BTBD2: variants seen among roughly 807,000 people sequenced by gnomAD.
The protein encoded by BTBD2 is BTB/POZ domain-containing protein 2.
BTBD2 carries 15 observed loss-of-function variants against 44.0 expected under a neutral mutation model. The observed-to-expected ratio is 0.34, with a 90% CI of 0.23 to 0.53. BTBD2 has a LOEUF of 0.53. Ranked by LOEUF, BTBD2 falls within the 20% of genes least tolerant of loss-of-function variation. The pLI, the probability that BTBD2 is intolerant of heterozygous loss-of-function variation, is 0.95. For missense variants in BTBD2, 657 were observed against 746.4 expected (o/e 0.88, Z 1.39); for synonymous variants, 443 against 335.9 (o/e 1.32, Z -3.49).
At chr19:2,001,602 C>T (rs548890636) in intron 1 of BTBD2, among the ~76,000 whole-genome samples, 18 of 152,332 alleles carry the variant, frequency 1.2e-4, no homozygotes, top group African/African-American at 4.3e-4. Flanking sequence ...AGCCTTAAAC[C>T]ACAGGGCTGA....
chr19:1,989,900 C>T (rs1286525734), intron 5 of BTBD2, 104 bp downstream of exon 5: 2 of 1,344,548 alleles, frequency 1.5e-6, no homozygotes, highest in Non-Finnish European at 1.0e-6. Context: ...CAGGCATCTG[C>T]CAGGCTTTCC....
At chr19:1,994,039 C>CG (rs1377941909) in intron 2 of BTBD2, among the ~76,000 whole-genome samples, 1 of 121,914 alleles carries the variant, frequency 8.2e-6, no homozygotes, top group African/African-American at 3.1e-5. Context: ...CAGCACAGGC[C>CG]GGCCTGGTGG....
intron 1 of BTBD2, among the ~76,000 whole-genome samples, chr19:2,009,280 C>A (rs1599360705): frequency 6.6e-6 from 1 of 151,822 alleles, no homozygotes; most frequent in Admixed American, 6.6e-5. Context: ...CTCACTGCAA[C>A]CTCCGCCTCC....
At chr19:2,006,344 T>C (rs1287802617) in intron 1 of BTBD2, among the ~76,000 whole-genome samples, 1 of 151,876 alleles carries the variant, frequency 6.6e-6, no homozygotes, top group Non-Finnish European at 1.5e-5. Flanking sequence ...TTAAACCTAA[T>C]AAGGCTTCAG....
intron 1 of BTBD2, among the ~76,000 whole-genome samples, chr19:2,013,291 G>C (rs891646290): frequency 8.5e-5 from 13 of 152,214 alleles, no homozygotes; most frequent in Non-Finnish European, 1.9e-4. Flanking sequence ...GGCAGGGTAA[G>C]AGGGACCGGG....
chr19:1,990,966 C>T, intron 3 of BTBD2, 144 bp from the exon 4 acceptor site: 1 of 693,746 alleles, frequency 1.4e-6, no homozygotes, highest in Non-Finnish European at 2.4e-6. Flanking sequence ...GTCTCAGCCA[C>T]CAGGCCGGCC....
Position 1,987,711 on chromosome 19 carries a change from G to A in BTBD2, c.989-19C>T, listed in dbSNP as rs2016112174. On this transcript the variant is annotated intron_variant, in intron 5 of 8. Coordinates refer to ENST00000255608, the MANE Select transcript of BTBD2 (RefSeq NM_017797.4). ...GCGGGACCTGCAGCACAGGGAGGGT[G>A]TGGGGGAGGGCCGGGCTGCACCCCA... is the stretch of plus-strand genomic sequence containing the variant. 6.4e-7 allele frequency: 1 copy of A among 1,570,942 alleles called. No homozygotes were observed. Among genetic ancestry groups the A allele is most frequent in the South Asian group, 1.2e-5 (1 of 84,894 alleles).
At chr19:1,987,359 C>G in intron 6 of BTBD2, 106 bp from the exon 7 acceptor site, 1 of 1,440,386 alleles carries the variant, frequency 6.9e-7, no homozygotes, top group Admixed American at 2.3e-5. Flanking sequence ...TCCCTGAGTC[C>G]TCCACCCCCA....
At chr19:2,012,344 G>A (rs2016477084) in intron 1 of BTBD2, among the ~76,000 whole-genome samples, 1 of 150,130 alleles carries the variant, frequency 6.7e-6, no homozygotes, top group African/African-American at 2.5e-5. Context: ...TAGAGACAGG[G>A]TTTCACCGTG....
chr19:2,013,431 T>A (rs533597342), intron 1 of BTBD2: 88 of 862,690 alleles, frequency 1.0e-4, no homozygotes, highest in Non-Finnish European at 9.3e-5. Context: ...GAGCTGGGGG[T>A]CTCTGGGTTG....
chr19:2,000,413 TGAG>T (rs2016314259), intron 1 of BTBD2, among the ~76,000 whole-genome samples: 1 of 152,192 alleles, frequency 6.6e-6, no homozygotes, highest in Non-Finnish European at 1.5e-5. Flanking sequence ...GGAAAACCTT[TGAG>T]GAGGGTTCAA....
rs143500819 is a variant in BTBD2 at position 1,986,468 on chromosome 19, C to G, written c.*20G>C. ...TGCGGCTATCCCCACGGAGGGAGGG[C>G]GGTGTCGGTGTCGGGCAGCCTAGGT... On this transcript the variant is annotated 3_prime_UTR_variant, in exon 9 of 9. Transcript: ENST00000255608. The G allele has an allele frequency of 6.2e-7, 1 of 1,608,678 alleles. No individual in the cohort carries two copies. The highest frequency in any genetic ancestry group is 1.7e-5 in the Admixed American group (1 of 59,874).
Position 1,990,034 on chromosome 19 carries a change from G to C in BTBD2, c.958C>G (p.Pro320Ala). 3 of 1,613,354 alleles carry C rather than the reference G, an allele frequency of 1.9e-6. No homozygotes were observed. Among genetic ancestry groups the C allele is most frequent in the Non-Finnish European group, 2.5e-6 (3 of 1,180,028 alleles). ...GCGAACTCCTCGATGGTCATGAGCG[G>C]GAAGCGAATGAGGCCCAGGGCCTTG... ...LGKALGLIRFPLMTIEEFAAG... is the reference protein window; with the variant it reads ...LGKALGLIRFALMTIEEFAAG... The change falls in exon 5 of 9, where the codon CCG becomes GCG. Residue 320 changes from proline (P) to alanine (A), a missense_variant. This residue lies in a region of BTBD2 where 449 missense variants were observed against 510.9 expected (regional missense o/e 0.88). Coordinates refer to ENST00000255608, the MANE Select transcript of BTBD2 (RefSeq NM_017797.4).
At chr19:1,987,379 GC>G (rs1374072088) in intron 6 of BTBD2, 120 bp downstream of exon 6, 15 of 1,371,216 alleles carry the variant, frequency 1.1e-5, no homozygotes, top group South Asian at 4.1e-5. Flanking sequence ...ATGCCCGGCG[GC>G]CCCCCCGCCG....
chr19:1,986,497 G>A lies in BTBD2; in HGVS notation c.1569C>T (p.Phe523=), dbSNP rs201986797. ...VEDGQIPEVI[F]YT is the part of the protein sequence containing the mutation. The stretch of plus-strand genomic sequence containing the variant: ...GTCGGTGTCGGGCAGCCTAGGTGTA[G>A]AAGATGACCTCGGGGATCTGGCCGT... Residue 523 remains phenylalanine, a synonymous_variant, in exon 9 of 9, where the codon TTC becomes TTT. Coordinates refer to ENST00000255608, the MANE Select transcript of BTBD2 (RefSeq NM_017797.4). 1.9e-6 allele frequency: 3 copies of A among 1,613,868 alleles called. No individual in the cohort carries two copies. Among genetic ancestry groups the A allele is most frequent in the Non-Finnish European group, 2.5e-6 (3 of 1,179,878 alleles).
chr19:1,993,228 A>C, intron 2 of BTBD2, 52 bp from the exon 3 acceptor site: 1 of 1,556,792 alleles, frequency 6.4e-7, no homozygotes. Flanking sequence ...GCCCGCCCCC[A>C]GGGGAGAGCG....
intron 5 of BTBD2, chr19:1,989,434 G>A (rs886497301): frequency 6.4e-6 from 1 of 157,420 alleles, no homozygotes; most frequent in Non-Finnish European, 1.4e-5. Flanking sequence ...GCGTGGACCT[G>A]GGGAAGGCCA....
intron 1 of BTBD2, among the ~76,000 whole-genome samples, chr19:2,010,848 A>T (rs529849947): frequency 6.6e-6 from 1 of 152,126 alleles, no homozygotes; most frequent in Non-Finnish European, 1.5e-5. Context: ...CACGATGGCC[A>T]GGCTGGTCTC....
At position 1,990,736 on chromosome 19, in the gene BTBD2, G is replaced by T; in HGVS notation, c.771C>A (p.Gly257=). The T allele has an allele frequency of 6.2e-7, 1 of 1,602,690 alleles. No individual in the cohort carries two copies. The highest frequency in any genetic ancestry group is 8.5e-7 in the Non-Finnish European group (1 of 1,174,932). ...CCTTACCCAGGTCAATGTCGGTGAA[G>T]CCCTCCGCGGTGATGGCGTCTGCAG... ...KNTADAITAE[G]FTDIDLDTLV... Residue 257 remains glycine (G), a synonymous_variant, in exon 4 of 9, where the codon GGC becomes GGA. Coordinates refer to ENST00000255608, the MANE Select transcript of BTBD2 (RefSeq NM_017797.4).
Sources: allele counts gnomAD v4.1 joint callset (sites outside exome capture counted in the v4.1 genomes callset), GRCh38; gene constraint gnomAD v4.1.1; regional missense constraint gnomAD v4.1.1; transcripts MANE v1.5; gene names NCBI Gene and HGNC (gene_info 2026-07-23, HGNC 2026-07-21).